Variants in MAP4K4 observed in about 807,000 individuals in gnomAD.
The protein encoded by MAP4K4 is HPK/GCK-like kinase HGK.
In MAP4K4, 38 loss-of-function variants were observed where a neutral mutation model predicts 189.6. The observed-to-expected ratio is 0.20, with a 90% confidence interval of 0.15 to 0.26. The LOEUF (loss-of-function observed/expected upper bound fraction) is 0.26, where lower values mean the gene tolerates loss of function less well. Ranked by LOEUF, MAP4K4 falls within the 10% of genes least tolerant of loss-of-function variation. The pLI is 1.00. For missense variants in MAP4K4, 1,054 were observed against 1,726.9 expected (o/e 0.61, Z 6.91); for synonymous variants, 610 against 624.3 (o/e 0.98, Z 0.34).
At chr2:101,810,780 C>T (rs182727617) in intron 3 of MAP4K4, among the ~76,000 whole-genome samples, 1 of 152,300 alleles carries the variant, frequency 6.6e-6, no homozygotes, top group East Asian at 1.9e-4. Flanking sequence ...TTTCCCCATT[C>T]TGTGTCTATT....
chr2:101,722,665 C>T (rs897506319), intron 2 of MAP4K4, among the ~76,000 whole-genome samples: 1 of 152,148 alleles, frequency 6.6e-6, no homozygotes, highest in African/African-American at 2.4e-5. Flanking sequence ...GTTTGTAAAG[C>T]CCTTATCTCA....
chr2:101,778,338 G>A (rs2085404596), intron 2 of MAP4K4, among the ~76,000 whole-genome samples: 1 of 152,210 alleles, frequency 6.6e-6, no homozygotes, highest in African/African-American at 2.4e-5. Flanking sequence ...ACAGTGTGCG[G>A]GGTCCCCACC....
intron 2 of MAP4K4, among the ~76,000 whole-genome samples, chr2:101,708,747 T>G (rs1369038327): frequency 6.6e-6 from 1 of 152,216 alleles, no homozygotes; most frequent in Non-Finnish European, 1.5e-5. Flanking sequence ...GCCAGTTAGA[T>G]TCCTCGTAGT....
At chr2:101,710,482 TTATC>T (rs926150254) in intron 2 of MAP4K4, among the ~76,000 whole-genome samples, 2 of 152,204 alleles carry the variant, frequency 1.3e-5, no homozygotes, top group African/African-American at 2.4e-5. Context: ...CTTTATTTAT[TTATC>T]TAGTACTTAA....
chr2:101,840,908 AG>A (rs2096898149), intron 10 of MAP4K4, among the ~76,000 whole-genome samples: 2 of 152,366 alleles, frequency 1.3e-5, no homozygotes, highest in Admixed American at 1.3e-4. Flanking sequence ...TAGTTATAAA[AG>A]TAATTAGGCT....
At chr2:101,698,187 G>GCAGCCGA (rs2149084763) in intron 1 of MAP4K4, 50 bp downstream of exon 1, 2 of 910,700 alleles carry the variant, frequency 2.2e-6, no homozygotes, top group Non-Finnish European at 2.7e-6. Context: ...CCGGCAGCCG[G>GCAGCCGA]CAGCCGGGGC....
intron 12 of MAP4K4, among the ~76,000 whole-genome samples, chr2:101,848,308 A>G (rs1008261958): frequency 7.9e-5 from 12 of 152,216 alleles, no homozygotes; most frequent in African/African-American, 2.7e-4. Context: ...GTGCTTTCAA[A>G]TATTTTTTGA....
chr2:101,704,537 G>GTA (rs1559012952), intron 2 of MAP4K4, among the ~76,000 whole-genome samples: 5 of 74,258 alleles, frequency 6.7e-5, no homozygotes, highest in African/African-American at 4.0e-4. Flanking sequence ...GTGTGTGTGT[G>GTA]TGTGTATATA....
chr2:101,733,181 A>G (rs1442945373), intron 2 of MAP4K4, among the ~76,000 whole-genome samples: 3 of 152,224 alleles, frequency 2.0e-5, no homozygotes, highest in African/African-American at 7.2e-5. Flanking sequence ...GAAGTAGAGC[A>G]TGAAAGCAGC....
At chr2:101,866,468 C>T (rs2097820506) in exon 19 of MAP4K4, 1 of 1,613,644 alleles carries the variant, frequency 6.2e-7, no homozygotes, top group Non-Finnish European at 8.5e-7. Flanking sequence ...AGTGGAGAAG[C>T]TGGTGCCCAG....
At chr2:101,759,821 C>T (rs2075379821) in intron 2 of MAP4K4, among the ~76,000 whole-genome samples, 2 of 138,608 alleles carry the variant, frequency 1.4e-5, no homozygotes, top group South Asian at 4.9e-4. Context: ...CTTCCCATCC[C>T]CCTTCCCTTC....
chr2:101,889,908 A>T (rs2098541447), intron 32 of MAP4K4, among the ~76,000 whole-genome samples: 1 of 152,128 alleles, frequency 6.6e-6, no homozygotes, highest in Admixed American at 6.5e-5. Context: ...GTCTTCTGCA[A>T]CCCTACAACT....
At chr2:101,733,143 G>T (rs10170847) in intron 2 of MAP4K4, among the ~76,000 whole-genome samples, 5,327 of 152,312 alleles carry the variant, frequency 0.035, 318 homozygotes, top group African/African-American at 0.12. Flanking sequence ...CTTCCAGATT[G>T]CTCTGCCCTG....
At chr2:101,866,453 G>A (rs1377917013) in exon 19 of MAP4K4, 1 of 1,613,486 alleles carries the variant, frequency 6.2e-7, no homozygotes, top group South Asian at 1.1e-5. Context: ...GCTTCTGTGG[G>A]AGAGAGTGGA....
chr2:101,890,390 T>G (rs1239951879), intron 32 of MAP4K4, among the ~76,000 whole-genome samples: 1 of 152,236 alleles, frequency 6.6e-6, no homozygotes, highest in Non-Finnish European at 1.5e-5. Context: ...AAAAATTGGC[T>G]GCAGATGGTC....
chr2:101,807,616 AGG>A (rs2095078036), intron 3 of MAP4K4, among the ~76,000 whole-genome samples: 2 of 152,174 alleles, frequency 1.3e-5, no homozygotes, highest in South Asian at 4.1e-4. Context: ...ATTTATAAAG[AGG>A]TTTAATTGAC....
intron 7 of MAP4K4, among the ~76,000 whole-genome samples, chr2:101,832,904 G>A (rs1185069191): frequency 1.3e-5 from 2 of 150,946 alleles, no homozygotes; most frequent in African/African-American, 4.9e-5. Context: ...ATGTCATTTA[G>A]TTTGTTTCCT....
chr2:101,813,001 T>C (rs927619874), intron 3 of MAP4K4, among the ~76,000 whole-genome samples: 1 of 151,934 alleles, frequency 6.6e-6, no homozygotes, highest in South Asian at 2.1e-4. Flanking sequence ...CGGTGGCGGG[T>C]GCCTGTAGTC....
intron 2 of MAP4K4, among the ~76,000 whole-genome samples, chr2:101,775,331 AT>A (rs2083505296): frequency 6.6e-6 from 1 of 151,250 alleles, no homozygotes; most frequent in Admixed American, 6.6e-5. Flanking sequence ...CTCTGCTTGT[AT>A]TTCCTGTGAA....
Sources: allele counts gnomAD v4.1 joint callset (sites outside exome capture counted in the v4.1 genomes callset), GRCh38; gene constraint gnomAD v4.1.1; transcripts MANE v1.5; gene names NCBI Gene and HGNC (gene_info 2026-07-23, HGNC 2026-07-21).